The following CYP27B1 variants were observed in gnomAD, a reference collection of about 807,000 sequenced individuals.
The protein encoded by CYP27B1 is cytochrome P450 family 27 subfamily B member 1.
In CYP27B1, 46 loss-of-function variants were observed where a neutral mutation model predicts 54.8. The ratio of observed to expected loss-of-function variants is 0.84; its 90% CI spans 0.66 to 1.07. The LOEUF (loss-of-function observed/expected upper bound fraction) is 1.07. Among genes scored for constraint, CYP27B1 ranks in the 50% least tolerant of loss-of-function variants. The pLI, the probability that CYP27B1 is intolerant of heterozygous loss-of-function variation, is 0.00. For missense variants in CYP27B1, 674 were observed against 692.2 expected (o/e 0.97, Z 0.30); for synonymous variants, 292 against 297.3 (o/e 0.98, Z 0.18).
At chr12:57,763,516 T>C (rs937520328) in intron 8 of CYP27B1, 95 bp downstream of exon 8, 5 of 1,128,060 alleles carry the variant, frequency 4.4e-6, no homozygotes, top group African/African-American at 3.1e-5. Flanking sequence ...CCAGGTCTTA[T>C]ATGATTTCCT....
chr12:57,765,589 GC>G lies in CYP27B1; in HGVS notation c.387-91del. 7.4e-7 allele frequency: 1 copy of G among 1,348,472 alleles called. No homozygotes were observed. The highest frequency in any genetic ancestry group is 1.0e-6 in the Non-Finnish European group (1 of 960,472). 83.5% of individuals were successfully genotyped at this position (1,348,472 alleles called of 1,614,324 possible). Reference sequence around the variant, plus strand: ...TGAAGGAGCGCGTTCGGCTGCGGTGGCCAGGAGAGGGATTGCGTCTGCCCCC... The same window carrying G: ...TGAAGGAGCGCGTTCGGCTGCGGTGGCAGGAGAGGGATTGCGTCTGCCCCC... On this transcript the variant is annotated intron_variant, in intron 2 of 8. Coordinates refer to ENST00000228606, the MANE Select transcript of CYP27B1 (RefSeq NM_000785.4). This position sits in a 1 kb window ranked among gnomAD's most constrained non-coding sequence, Gnocchi z 5.8.
Position 57,764,563 on chromosome 12 carries a change from T to C in CYP27B1, c.964-13A>G, listed in dbSNP as rs752175742. On this transcript the variant is annotated splice_polypyrimidine_tract_variant and intron_variant, in intron 5 of 8. Coordinates refer to ENST00000228606, the MANE Select transcript of CYP27B1 (RefSeq NM_000785.4). ...GCGTGTTGGACACCTGAAAAACATG[T>C]GAAAGCAAGAGAGGTGTTGGGTGTG... The C allele has an allele frequency of 1.2e-6, 2 of 1,613,718 alleles. No individual in the cohort carries two copies. The highest frequency in any genetic ancestry group is 3.3e-5 in the Admixed American group (2 of 60,018).
At position 57,764,286 on chromosome 12, in the gene CYP27B1, T is replaced by G. The variant is rs926436771; in HGVS notation, c.1136+92A>C. ...TTTTTGGCCAGGAGTAGAGGGCCAT[T>G]TTTCTCTGCTATCTCCCTGCTTCCA... is the stretch of plus-strand genomic sequence containing the variant. On this transcript the variant is annotated intron_variant, in intron 6 of 8. Transcript: ENST00000228606. 12 of 1,582,438 alleles carry G rather than the reference T, an allele frequency of 7.6e-6. No homozygotes were observed. The African/African-American group carries it at 1.6e-4, about 21-fold the overall frequency.
chr12:57,765,618 G>A lies in CYP27B1; in HGVS notation c.387-119C>T. 1 of 1,131,402 alleles carries A rather than the reference G, an allele frequency of 8.8e-7. No homozygotes were observed. The highest frequency in any genetic ancestry group is 1.3e-6 in the Non-Finnish European group (1 of 764,274). The allele number at this position is 1,131,402 out of a possible 1,614,324, so 70.1% of individuals were successfully genotyped here. On this transcript the variant is annotated intron_variant, in intron 2 of 8. Coordinates refer to ENST00000228606, the MANE Select transcript of CYP27B1 (RefSeq NM_000785.4). The surrounding 1 kb of genome is among the most constrained non-coding windows in gnomAD (Gnocchi z 5.8). ...GGAGAGGGATTGCGTCTGCCCCCTT[G>A]GGGTACGGAAACCTGCACCGGCCTG...
rs1261106131 is a variant in CYP27B1, at chr12:57,765,925, C to T, written c.386+82G>A. The T allele has an allele frequency of 2.2e-5, 32 of 1,461,002 alleles. No individual in the cohort carries two copies. The highest frequency in any genetic ancestry group is 5.4e-6 in the Non-Finnish European group (6 of 1,109,856). The allele number at this position is 1,461,002 out of a possible 1,614,324, so 90.5% of individuals were successfully genotyped here. Reference sequence around the variant, plus strand: ...TGGGACAGCCGACCTCCCACCATGCCCCCAGATTGATAGTTTCGGGACCCG... The same window carrying T: ...TGGGACAGCCGACCTCCCACCATGCTCCCAGATTGATAGTTTCGGGACCCG... On this transcript the variant is annotated intron_variant, in intron 2 of 8. Transcript: ENST00000228606. This position sits in a 1 kb window ranked among gnomAD's most constrained non-coding sequence, Gnocchi z 5.8.
At chr12:57,766,618 AC>A (rs1955363332) in intron 1 of CYP27B1, 1 of 600,964 alleles carries the variant, frequency 1.7e-6, no homozygotes, top group Admixed American at 3.0e-5. Flanking sequence ...GGATCTCCAC[AC>A]CTCAGGACAG....
Position 57,764,925 on chromosome 12 carries a change from A to G in CYP27B1, c.792T>C (p.Ala264=). 6.2e-7 allele frequency: 1 copy of G among 1,614,014 alleles called. No homozygotes were observed. The highest frequency in any genetic ancestry group is 1.1e-5 in the South Asian group (1 of 91,072). The change falls in exon 5 of 9, where the codon GCT becomes GCC. Residue 264 remains alanine (A), a splice_region_variant and synonymous_variant. Coordinates refer to ENST00000228606, the MANE Select transcript of CYP27B1 (RefSeq NM_000785.4). ...CCTCTCGCCGCTCCACGTGCCTCTG[A>G]GCTGCGTGGGTAGAAGGCACGTGAA... The part of the protein sequence containing the change: ...CRDWDQMFAF[A]QRHVERREAE...
In CYP27B1 at chr12:57,765,585, G is replaced by C. The variant is rs1340568811; in HGVS notation, c.387-86C>G. The C allele has an allele frequency of 4.3e-6, 6 of 1,397,188 alleles. No homozygotes were observed. Among genetic ancestry groups the C allele is most frequent in the Non-Finnish European group, 6.0e-6 (6 of 1,004,336 alleles). The allele number at this position is 1,397,188 out of a possible 1,614,324, so 86.5% of individuals were successfully genotyped here. ...GCAGTGAAGGAGCGCGTTCGGCTGC[G>C]GTGGCCAGGAGAGGGATTGCGTCTG... On this transcript the variant is annotated intron_variant, in intron 2 of 8. Coordinates refer to ENST00000228606, the MANE Select transcript of CYP27B1 (RefSeq NM_000785.4). The surrounding 1 kb of genome is among the most constrained non-coding windows in gnomAD (Gnocchi z 5.8).
intron 1 of CYP27B1, chr12:57,766,562 T>C: frequency 1.7e-6 from 1 of 579,872 alleles, no homozygotes; most frequent in South Asian, 2.1e-5. Flanking sequence ...CGGAGGGTAC[T>C]GCCCACTCCG....
chr12:57,765,813 G>T lies in CYP27B1; in HGVS notation c.386+194C>A. On this transcript the variant is annotated intron_variant, in intron 2 of 8. Transcript: ENST00000228606. This position sits in a 1 kb window ranked among gnomAD's most constrained non-coding sequence, Gnocchi z 5.8. ...CAGGATTCGGGCCTCAAAGGATAAG[G>T]AGGTAGGCGGGGAGTGAGGTTGGGG... 1 of 1,127,300 alleles carries T rather than the reference G, an allele frequency of 8.9e-7. No homozygotes were observed. The highest frequency in any genetic ancestry group is 1.2e-6 in the Non-Finnish European group (1 of 816,660). The allele number at this position is 1,127,300 out of a possible 1,614,324, so 69.8% of individuals were successfully genotyped here.
intron 6 of CYP27B1, 49 bp downstream of exon 6, chr12:57,764,329 C>A: frequency 6.2e-7 from 1 of 1,611,742 alleles, no homozygotes; most frequent in Non-Finnish European, 8.5e-7. Flanking sequence ...GTTGCTTCCC[C>A]AGCCCTTCCT....
rs549863375 is a variant in CYP27B1 at position 57,765,575 on chromosome 12, G to A, written c.387-76C>T. The stretch of plus-strand genomic sequence containing the variant: ...GGGACTGGCTGCAGTGAAGGAGCGC[G>A]TTCGGCTGCGGTGGCCAGGAGAGGG... On this transcript the variant is annotated intron_variant, in intron 2 of 8. Transcript: ENST00000228606. This position sits in a 1 kb window ranked among gnomAD's most constrained non-coding sequence, Gnocchi z 5.8. 1 of 1,457,940 alleles carries A rather than the reference G, an allele frequency of 6.9e-7. No homozygotes were observed. The highest frequency in any genetic ancestry group is 9.4e-7 in the Non-Finnish European group (1 of 1,058,738). The allele number at this position is 1,457,940 out of a possible 1,614,324, so 90.3% of individuals were successfully genotyped here.
At chr12:57,764,035 C>G in intron 7 of CYP27B1, 63 bp downstream of exon 7, 1 of 1,389,652 alleles carries the variant, frequency 7.2e-7, no homozygotes, top group Non-Finnish European at 1.0e-6. Flanking sequence ...TGTTTGAGAA[C>G]AGGGTTGGGG....
Position 57,765,218 on chromosome 12 carries a change from G to C in CYP27B1, c.590-7C>G. On this transcript the variant is annotated splice_region_variant and splice_polypyrimidine_tract_variant and intron_variant, in intron 3 of 8. Transcript: ENST00000228606. This position sits in a 1 kb window ranked among gnomAD's most constrained non-coding sequence, Gnocchi z 5.8. ...AGCAGAACCGCGGCGATGCCTTGTC[G>C]GGAGGGGGCGCCGTCAGGGTTCCGG... is the stretch of plus-strand genomic sequence containing the variant. The C allele has an allele frequency of 6.2e-7, 1 of 1,611,714 alleles. No individual in the cohort carries two copies. Among genetic ancestry groups the C allele is most frequent in the Non-Finnish European group, 8.5e-7 (1 of 1,179,154 alleles).
At position 57,763,692 on chromosome 12, in the gene CYP27B1, T is replaced by C. The variant is rs756054548; in HGVS notation, c.1332A>G (p.Ala444=). The change falls in exon 8 of 9, where the codon GCA becomes GCG. Residue 444 remains alanine, a synonymous_variant. Transcript: ENST00000228606. The stretch of plus-strand genomic sequence containing the variant: ...GCTTGCCAAAGCCAAAGGGAAGAGA[T>C]GCAAATGGGTGGGGGGTGGGACCCT... ...LGEGPTPHPF[A]SLPFGFGKRS... The C allele has an allele frequency of 1.3e-6, 2 of 1,580,778 alleles. No homozygotes were observed. The highest frequency in any genetic ancestry group is 1.1e-5 in the South Asian group (1 of 90,322).
chr12:57,766,915 G>C lies in CYP27B1; in HGVS notation c.127C>G (p.Pro43Ala). 6.2e-7 allele frequency: 1 copy of C among 1,614,040 alleles called. No individual in the cohort carries two copies. The highest frequency in any genetic ancestry group is 8.5e-7 in the Non-Finnish European group (1 of 1,180,028). The change falls in exon 1 of 9, where the codon CCC (proline) becomes GCC (alanine). Residue 43 changes from proline to alanine, a missense_variant. Transcript: ENST00000228606. The stretch of plus-strand genomic sequence containing the variant: ...TCGGCCAGAAAGCTGGGCGTAGAGG[G>C]GCCTGGGATGTCTGCCAAGCTCCGG... ...ARRSLADIPG[P>A]STPSFLAELF...
chr12:57,765,921 A>G lies in CYP27B1; in HGVS notation c.386+86T>C, dbSNP rs1955356103. On this transcript the variant is annotated intron_variant, in intron 2 of 8. Transcript: ENST00000228606. The surrounding 1 kb of genome is among the most constrained non-coding windows in gnomAD (Gnocchi z 5.8). The stretch of plus-strand genomic sequence containing the variant: ...AGAGTGGGACAGCCGACCTCCCACC[A>G]TGCCCCCAGATTGATAGTTTCGGGA... 2.1e-6 allele frequency: 3 copies of G among 1,453,966 alleles called. No individual in the cohort carries two copies. The highest frequency in any genetic ancestry group is 2.7e-6 in the Non-Finnish European group (3 of 1,106,884). The allele number at this position is 1,453,966 out of a possible 1,614,324, so 90.1% of individuals were successfully genotyped here.
Position 57,766,888 on chromosome 12 carries a change from G to A in CYP27B1, c.154C>T (p.Leu52Phe). The A allele has an allele frequency of 1.2e-6, 2 of 1,614,176 alleles. No homozygotes were observed. Among genetic ancestry groups the A allele is most frequent in the East Asian group, 2.2e-5 (1 of 44,884 alleles). ...GPSTPSFLAE[L>F]FCKGGLSRLH... is the part of the protein sequence containing the mutation. ...CTCGACAGCCCCCCCTTGCAGAAAAGTTCGGCCAGAAAGCTGGGCGTAGAG... is the reference window on the plus strand; with the variant it reads ...CTCGACAGCCCCCCCTTGCAGAAAAATTCGGCCAGAAAGCTGGGCGTAGAG... The change falls in exon 1 of 9, where the codon CTT (leucine) becomes TTT (phenylalanine). Residue 52 changes from leucine (L) to phenylalanine (F), a missense_variant. Leu to Phe is a conservative substitution (Grantham distance 22). Transcript: ENST00000228606.
chr12:57,763,475 G>A lies in CYP27B1; in HGVS notation c.1413+136C>T, dbSNP rs1955334675. ...CTCACTTACACTCCAGGCCTATAAT[G>A]GGCTTATCATATTTCAGAAGATTCA... On this transcript the variant is annotated intron_variant, in intron 8 of 8. Coordinates refer to ENST00000228606, the MANE Select transcript of CYP27B1 (RefSeq NM_000785.4). 3 of 937,138 alleles carry A rather than the reference G, an allele frequency of 3.2e-6. No homozygotes were observed. In the South Asian group the frequency reaches 3.9e-5, roughly 12 times the overall value. The allele number at this position is 937,138 out of a possible 1,614,324, so 58.1% of individuals were successfully genotyped here. A position where few individuals can be genotyped will look rare whatever the true frequency, so the allele number is the denominator to read the frequency against.
Sources: gnomAD v4.1 joint callset for allele counts on GRCh38, gnomAD v4.1.1 for gene constraint, Gnocchi (gnomAD v3.1) non-coding constraint, MANE v1.5 for transcripts, NCBI Gene and HGNC (gene_info 2026-07-23, HGNC 2026-07-21) for gene names.